The following TRDMT1 variants were observed in gnomAD, a reference collection of about 807,000 sequenced individuals.
TRDMT1 encodes tRNA aspartic acid methyltransferase 1, also known as tRNA (cytosine(38)-C(5))-methyltransferase.
A neutral mutation model predicts 51.2 loss-of-function variants in TRDMT1; 49 were observed. That is an observed-to-expected ratio of 0.96 (90% confidence interval 0.76 to 1.21). The LOEUF is 1.21. TRDMT1 is among the 50% of genes most tolerant of loss of function. The pLI, the probability that TRDMT1 is intolerant of heterozygous loss-of-function variation, is 0.00. For missense variants in TRDMT1, 534 were observed against 462.3 expected (o/e 1.16, Z -1.42); for synonymous variants, 187 against 164.6 (o/e 1.14, Z -1.04).
In TRDMT1 at chr10:17,139,315, T is replaced by C. The variant is rs576714806; in HGVS notation, c.*9725A>G. On this transcript the variant is annotated 3_prime_UTR_variant, in exon 11 of 11. Coordinates refer to ENST00000377799, the MANE Select transcript of TRDMT1 (RefSeq NM_004412.7). Reference sequence around the variant, plus strand: ...ACGATAATCAAAGGAAAATGTCTGATTGCACTCAGACTTCAGCATGAATGA... The same window carrying C: ...ACGATAATCAAAGGAAAATGTCTGACTGCACTCAGACTTCAGCATGAATGA... 6 of 580,722 alleles carry C rather than the reference T, an allele frequency of 1.0e-5. No homozygotes were observed. In the South Asian group the frequency reaches 3.0e-4, roughly 29 times the overall value. 36.0% of individuals were successfully genotyped at this position (580,722 alleles called of 1,614,324 possible).
At chr10:17,161,904 T>C (rs1312946239) in intron 4 of TRDMT1, among the ~76,000 whole-genome samples, 1 of 152,214 alleles carries the variant, frequency 6.6e-6, no homozygotes, top group Non-Finnish European at 1.5e-5. Context: ...ATTAGCACCA[T>C]CTGCATCAAC....
rs1274628475 is a variant in TRDMT1 at position 17,197,255 on chromosome 10, T to C, written c.64+4316A>G. Among the ~76,000 whole-genome samples the C allele has an allele frequency of 2.0e-5, 3 of 152,214 alleles. No homozygotes were observed. In the East Asian group the frequency reaches 5.8e-4, roughly 29 times the overall value. On this transcript the variant is annotated intron_variant, in intron 1 of 10. Coordinates refer to ENST00000377799, the MANE Select transcript of TRDMT1 (RefSeq NM_004412.7). ...AAAACGATAGCAGAAGGATTATCAA[T>C]TCAATAGTAACCTCAATAGTAAGCT...
At chr10:17,201,424 T>C in intron 1 of TRDMT1, 147 bp downstream of exon 1, 2 of 706,474 alleles carry the variant, frequency 2.8e-6, no homozygotes, top group Non-Finnish European at 4.4e-6. Context: ...GCGCAGGAGC[T>C]GTTTCCAGGA....
intron 2 of TRDMT1, among the ~76,000 whole-genome samples, chr10:17,171,097 G>A (rs1160780730): frequency 1.4e-5 from 2 of 139,970 alleles, no homozygotes; most frequent in Non-Finnish European, 3.1e-5. Context: ...CATTTGGTAT[G>A]TTACTGGATT....
chr10:17,177,713 A>AACACACACACACACAC (rs372220525), intron 1 of TRDMT1, among the ~76,000 whole-genome samples: 2,063 of 147,092 alleles, frequency 0.014, 24 homozygotes, highest in African/African-American at 0.028. Flanking sequence ...ATAGACAAGA[A>AACACACACACACACAC]ACACACACAC....
At chr10:17,173,485 G>T (rs1157056175) in intron 2 of TRDMT1, among the ~76,000 whole-genome samples, 3 of 152,108 alleles carry the variant, frequency 2.0e-5, no homozygotes, top group Non-Finnish European at 4.4e-5. Context: ...TACTAGGAAG[G>T]GAAAACTTAA....
rs1485424268 is a variant in TRDMT1 at position 17,143,597 on chromosome 10, A to C, written c.*5443T>G. The C allele has an allele frequency of 1.0e-6, 1 of 985,376 alleles. No homozygotes were observed. Among genetic ancestry groups the C allele is most frequent in the Non-Finnish European group, 1.2e-6 (1 of 829,952 alleles). 61.0% of individuals were successfully genotyped at this position (985,376 alleles called of 1,614,324 possible). ...ACATTCATGCTGGATTAAATTTAGA[A>C]GGCTCAAATCTGTTAAATGTTGACA... On this transcript the variant is annotated 3_prime_UTR_variant, in exon 11 of 11. Coordinates refer to ENST00000377799, the MANE Select transcript of TRDMT1 (RefSeq NM_004412.7).
chr10:17,144,324 T>C lies in TRDMT1; in HGVS notation c.*4716A>G, dbSNP rs989500494. Reference sequence around the variant, plus strand: ...AAATGCAAACAAAATACAGAGCAAATATTTGAAGTAAACACTGAAGCCATG... The same window carrying C: ...AAATGCAAACAAAATACAGAGCAAACATTTGAAGTAAACACTGAAGCCATG... On this transcript the variant is annotated 3_prime_UTR_variant, in exon 11 of 11. Coordinates refer to ENST00000377799, the MANE Select transcript of TRDMT1 (RefSeq NM_004412.7). The C allele has an allele frequency of 2.0e-6, 2 of 985,226 alleles. No homozygotes were observed. Among genetic ancestry groups the C allele is most frequent in the African/African-American group, 3.5e-5 (2 of 57,152 alleles). 61.0% of individuals were successfully genotyped at this position (985,226 alleles called of 1,614,324 possible).
In TRDMT1 at chr10:17,144,405, T is replaced by C; in HGVS notation, c.*4635A>G. On this transcript the variant is annotated 3_prime_UTR_variant, in exon 11 of 11. Coordinates refer to ENST00000377799, the MANE Select transcript of TRDMT1 (RefSeq NM_004412.7). ...TAGGCTTATTCAGAAAAGAGTTCTA[T>C]GGGAGAACTCAGTTCCTATCTTGTA... 1 of 985,390 alleles carries C rather than the reference T, an allele frequency of 1.0e-6. No homozygotes were observed. Among genetic ancestry groups the C allele is most frequent in the Non-Finnish European group, 1.2e-6 (1 of 829,802 alleles). The allele number at this position is 985,390 out of a possible 1,614,324, so 61.0% of individuals were successfully genotyped here.
At chr10:17,180,803 A>G (rs952817218) in intron 1 of TRDMT1, among the ~76,000 whole-genome samples, 9 of 152,278 alleles carry the variant, frequency 5.9e-5, no homozygotes, top group African/African-American at 2.2e-4. Context: ...ACTGAACACT[A>G]AGCAAATGAG....
chr10:17,160,716 C>G (rs1327272749), intron 5 of TRDMT1, among the ~76,000 whole-genome samples: 1 of 152,132 alleles, frequency 6.6e-6, no homozygotes, highest in East Asian at 1.9e-4. Context: ...CATGATCCAC[C>G]CGCCTCGGCC....
At chr10:17,183,759 AT>A (rs1182814270) in intron 1 of TRDMT1, among the ~76,000 whole-genome samples, 1 of 151,602 alleles carries the variant, frequency 6.6e-6, no homozygotes, top group East Asian at 1.9e-4. Context: ...AAACAAAAAA[AT>A]GACTCTTATT....
chr10:17,170,358 T>TTTAATGACTGTGTCATAAAATA (rs1273354953), intron 2 of TRDMT1, among the ~76,000 whole-genome samples: 1 of 152,200 alleles, frequency 6.6e-6, no homozygotes, highest in Non-Finnish European at 1.5e-5. Flanking sequence ...ACAGGTTATT[T>TTTAATGACTGTGTCATAAAATA]TTAATGACTA....
chr10:17,158,667 T>G (rs1839891306), intron 7 of TRDMT1, among the ~76,000 whole-genome samples: 1 of 152,212 alleles, frequency 6.6e-6, no homozygotes, highest in Admixed American at 6.5e-5. Context: ...CATTTTATTC[T>G]AGCTTGTACT....
In TRDMT1 at chr10:17,146,946, T is replaced by G; in HGVS notation, c.*2094A>C. ...TTCAATTATGAATTAAGGGCAAGAA[T>G]CACCGTCTTCCTGTGAATACATTCC... On this transcript the variant is annotated 3_prime_UTR_variant, in exon 11 of 11. Coordinates refer to ENST00000377799, the MANE Select transcript of TRDMT1 (RefSeq NM_004412.7). 2 of 985,444 alleles carry G rather than the reference T, an allele frequency of 2.0e-6. No homozygotes were observed. Among genetic ancestry groups the G allele is most frequent in the South Asian group, 9.4e-5 (2 of 21,284 alleles). 61.0% of individuals were successfully genotyped at this position (985,444 alleles called of 1,614,324 possible). A position where few individuals can be genotyped will look rare whatever the true frequency, so the allele number is the denominator to read the frequency against.
At chr10:17,198,451 T>C (rs956483090) in intron 1 of TRDMT1, among the ~76,000 whole-genome samples, 7 of 152,336 alleles carry the variant, frequency 4.6e-5, no homozygotes, top group South Asian at 4.1e-4. Flanking sequence ...AGCTATACAA[T>C]GGAATATTAT....
chr10:17,191,129 G>T (rs924810006), intron 1 of TRDMT1, among the ~76,000 whole-genome samples: 9 of 152,138 alleles, frequency 5.9e-5, no homozygotes, highest in Admixed American at 2.0e-4. Context: ...GAACAACCAG[G>T]AGGCCAGGGA....
rs1346344131 is a variant in TRDMT1 at position 17,157,322 on chromosome 10, C to T, written c.887+119G>A. The stretch of plus-strand genomic sequence containing the variant: ...GAAGTAGGCAATTAAGGGAAAATAC[C>T]TCATTCTAGCAAAAACATTTTATAA... On this transcript the variant is annotated intron_variant, in intron 8 of 10. Transcript: ENST00000377799. The T allele has an allele frequency of 5.0e-6, 5 of 1,004,934 alleles. No individual in the cohort carries two copies. The Admixed American group carries it at 8.4e-5, about 17-fold the overall frequency. The allele number at this position is 1,004,934 out of a possible 1,614,324, so 62.3% of individuals were successfully genotyped here.
Position 17,193,247 on chromosome 10 carries a change from C to T in TRDMT1, c.64+8324G>A, listed in dbSNP as rs559384185. ...GCATGGTGGCGCATGCCTGTAGTCC[C>T]AGCTACCCAGGAGGCTGAGGCAGGA... On this transcript the variant is annotated intron_variant, in intron 1 of 10. Transcript: ENST00000377799. Among the ~76,000 whole-genome samples, 423 of 152,272 alleles carry T rather than the reference C, an allele frequency of 2.8e-3. 2 individuals carry two copies. Among genetic ancestry groups the T allele is most frequent in the African/African-American group, 8.9e-3 (371 of 41,562 alleles).
Sources: gnomAD v4.1 joint callset for allele counts (sites outside exome capture counted in the v4.1 genomes callset) on GRCh38, gnomAD v4.1.1 for gene constraint, MANE v1.5 for transcripts, NCBI Gene and HGNC (gene_info 2026-07-23, HGNC 2026-07-21) for gene names.